Variants in STK38L observed in about 807,000 individuals in gnomAD.
The protein encoded by STK38L is serine/threonine kinase 38 like.
A neutral mutation model predicts 59.7 loss-of-function variants in STK38L; 28 were observed. That is an observed-to-expected ratio of 0.47 (90% CI 0.35 to 0.64). The LOEUF is 0.64. STK38L is among the 30% of genes least tolerant of loss of function. The probability of loss-of-function intolerance (pLI) is 0.01; values close to 1 mark genes in which losing one functional copy is unlikely to be tolerated. For missense variants in STK38L, 314 were observed against 555.8 expected (o/e 0.56, Z 4.37); for synonymous variants, 162 against 176.8 (o/e 0.92, Z 0.66).
chr12:27,284,877 G>C (rs1943737095), intron 1 of STK38L, among the ~76,000 whole-genome samples: 1 of 152,184 alleles, frequency 6.6e-6, no homozygotes, highest in South Asian at 2.1e-4. Flanking sequence ...TAATGGGATG[G>C]ATGCCTTCTG....
rs1944795414 is a variant in STK38L, at chr12:27,324,350, C to T, written c.*1895C>T. On this transcript the variant is annotated 3_prime_UTR_variant, in exon 14 of 14. Coordinates refer to ENST00000389032, the MANE Select transcript of STK38L (RefSeq NM_015000.4). ...GCTGAGGTTTATGAGATTTTCTCAC[C>T]CCACATCGCTCCCCTTTTTTTAAAA... 6.6e-6 allele frequency: 1 copy of T among 151,858 alleles called. No individual in the cohort carries two copies. 9.4% of individuals were successfully genotyped at this position (151,858 alleles called of 1,614,324 possible).
At chr12:27,245,741 A>G (rs1224409244) in intron 1 of STK38L, 1 of 152,034 alleles carries the variant, frequency 6.6e-6, no homozygotes, top group Non-Finnish European at 1.5e-5. Flanking sequence ...GATATTACAT[A>G]ATTTTATTGC....
chr12:27,301,132 C>T (rs1341802667), intron 2 of STK38L, among the ~76,000 whole-genome samples: 1 of 152,244 alleles, frequency 6.6e-6, no homozygotes, highest in African/African-American at 2.4e-5. Context: ...TTAGTTACTT[C>T]ATCCACACTG....
chr12:27,254,105 T>C (rs562325962), intron 1 of STK38L, among the ~76,000 whole-genome samples: 2 of 152,272 alleles, frequency 1.3e-5, no homozygotes, highest in African/African-American at 2.4e-5. Flanking sequence ...TGATGAAGCC[T>C]AGAACCACCG....
chr12:27,280,241 C>A (rs1474320604), intron 1 of STK38L, among the ~76,000 whole-genome samples: 1 of 152,152 alleles, frequency 6.6e-6, no homozygotes, highest in Non-Finnish European at 1.5e-5. Context: ...GGCGGATAAG[C>A]AGTTCTTCCC....
intron 1 of STK38L, among the ~76,000 whole-genome samples, chr12:27,291,572 G>GA (rs1400980864): frequency 1.3e-5 from 2 of 152,180 alleles, no homozygotes; most frequent in Non-Finnish European, 2.9e-5. Context: ...AATGTTGGTT[G>GA]AAAATAAAAC....
At chr12:27,259,959 T>A (rs7358692) in intron 1 of STK38L, among the ~76,000 whole-genome samples, 94,101 of 152,114 alleles carry the variant, frequency 0.62, 29,638 homozygotes, top group Non-Finnish European at 0.66. Context: ...CTGTCATTAA[T>A]ATCCTTTGCA....
At chr12:27,250,482 AC>A (rs1942948074) in intron 1 of STK38L, among the ~76,000 whole-genome samples, 1 of 152,134 alleles carries the variant, frequency 6.6e-6, no homozygotes, top group Admixed American at 6.5e-5. Flanking sequence ...TCTGAATGTC[AC>A]CCATTAGGGC....
chr12:27,310,809 G>C (rs556514069), intron 5 of STK38L, among the ~76,000 whole-genome samples: 1 of 152,212 alleles, frequency 6.6e-6, no homozygotes, highest in East Asian at 1.9e-4. Context: ...GTGGGGAGGT[G>C]GGGGGCGGAA....
intron 1 of STK38L, among the ~76,000 whole-genome samples, chr12:27,285,042 A>G (rs991849083): frequency 2.6e-5 from 4 of 152,184 alleles, no homozygotes; most frequent in African/African-American, 4.8e-5. Context: ...AAATGACTCA[A>G]AATAACCAAA....
intron 1 of STK38L, among the ~76,000 whole-genome samples, chr12:27,245,064 CTT>C (rs1292280764): frequency 6.6e-6 from 1 of 152,130 alleles, no homozygotes; most frequent in African/African-American, 2.4e-5. Flanking sequence ...AAAGAACAAA[CTT>C]TATTTTCAAA....
chr12:27,295,401 G>C lies in STK38L; in HGVS notation c.-11-2309G>C, dbSNP rs527467586. Among the ~76,000 whole-genome samples the C allele has an allele frequency of 4.6e-5, 7 of 152,324 alleles. No individual in the cohort carries two copies. In the East Asian group the frequency reaches 1.4e-3, roughly 29 times the overall value. On this transcript the variant is annotated intron_variant, in intron 1 of 13. Transcript: ENST00000389032. ...TCTGGTGATTTGAATAAGACCATAT[G>C]ATCAGTTAGCAACAAGGCTGGGATT...
chr12:27,320,442 AT>A (rs34281958), intron 12 of STK38L, among the ~76,000 whole-genome samples: 12,015 of 91,592 alleles, frequency 0.13, 446 homozygotes, highest in Non-Finnish European at 0.16. Context: ...AATTTTGTTG[AT>A]TTTTTTTTTT....
rs562056752 is a variant in STK38L, at chr12:27,255,349, C to G, written c.-12+11017C>G. 2.0e-5 allele frequency among the ~76,000 whole-genome samples: 3 copies of G among 152,316 alleles called. No individual in the cohort carries two copies. In the South Asian group the frequency reaches 6.2e-4, roughly 32 times the overall value. On this transcript the variant is annotated intron_variant, in intron 1 of 13. Transcript: ENST00000389032. ...AGTAAACCAAGTACTCTCTCCCTTT[C>G]AGAAAACATTATCAAACAACAAAAA...
intron 1 of STK38L, among the ~76,000 whole-genome samples, chr12:27,278,631 A>G (rs1565533764): frequency 6.6e-6 from 1 of 152,168 alleles, no homozygotes. Context: ...TCACCCTGAA[A>G]GCCTAAGTGT....
At chr12:27,273,090 A>G (rs1340203534) in intron 1 of STK38L, among the ~76,000 whole-genome samples, 1 of 149,818 alleles carries the variant, frequency 6.7e-6, no homozygotes, top group Non-Finnish European at 1.5e-5. Flanking sequence ...CCTTTATGCT[A>G]TGTTGACAAA....
intron 1 of STK38L, among the ~76,000 whole-genome samples, chr12:27,278,220 A>G (rs1182900912): frequency 1.3e-5 from 2 of 152,210 alleles, no homozygotes; most frequent in Non-Finnish European, 2.9e-5. Flanking sequence ...CCAACTTGAC[A>G]TAATCACTAT....
intron 1 of STK38L, among the ~76,000 whole-genome samples, chr12:27,285,838 G>T (rs1357147331): frequency 6.6e-6 from 1 of 152,184 alleles, no homozygotes; most frequent in East Asian, 1.9e-4. Flanking sequence ...GTATGATTTT[G>T]AAGGAGTATT....
intron 1 of STK38L, 149 bp from the exon 2 acceptor site, chr12:27,297,561 C>T: frequency 1.3e-6 from 1 of 796,618 alleles, no homozygotes; most frequent in Non-Finnish European, 1.9e-6. Context: ...TCTTCCCTAG[C>T]TTTGTATTAT....
Sources: allele counts gnomAD v4.1 joint callset (sites outside exome capture counted in the v4.1 genomes callset), GRCh38; gene constraint gnomAD v4.1.1; transcripts MANE v1.5; gene names NCBI Gene and HGNC (gene_info 2026-07-23, HGNC 2026-07-21).